Variants in SLC45A4 observed in about 807,000 individuals in gnomAD.
SLC45A4 encodes the protein solute carrier family 45 member 4, also known as polyamine-transporter SLC45A4.
Under a neutral mutation model 63.7 loss-of-function variants are expected in SLC45A4, and 32 were observed. That is an observed-to-expected ratio of 0.50 (90% CI 0.38 to 0.67). The LOEUF is 0.67. SLC45A4 is among the 30% of genes least tolerant of loss of function. SLC45A4 has a pLI of 0.00. For synonymous variants in SLC45A4, 535 were observed against 510.0 expected (o/e 1.05, Z -0.66); for missense variants, 1,027 against 1,157.7 (o/e 0.89, Z 1.64).
chr8:141,221,532 C>T lies in SLC45A4; in HGVS notation c.430+45G>A, dbSNP rs539183984. 2.4e-5 allele frequency: 38 copies of T among 1,578,604 alleles called. No homozygotes were observed. The East Asian group carries it at 8.5e-4, about 35-fold the overall frequency. On this transcript the variant is annotated intron_variant, in intron 3 of 8. Transcript: ENST00000517878. ...TGAGAGGAGCTACCCAGGGCCAGGA[C>T]CCCGTCTGTGTTGTGAGGACACCAG...
chr8:141,272,797 C>T (rs144753908), intron 1 of SLC45A4, among the ~76,000 whole-genome samples: 2 of 152,322 alleles, frequency 1.3e-5, no homozygotes, highest in African/African-American at 4.8e-5. Flanking sequence ...TCTCCCCCTT[C>T]CCTCCACAAC....
chr8:141,253,253 CTGTGTGTCTGTGAATTTCCGTGTTTTCA>C, intron 2 of SLC45A4: 1 of 163,756 alleles, frequency 6.1e-6, no homozygotes, highest in South Asian at 1.1e-4. Flanking sequence ...TCATGCCCAC[CTGTGTGTCTGTGAATTTCCGTGTTTTCA>C]TGCCCACCTG....
intron 2 of SLC45A4, among the ~76,000 whole-genome samples, chr8:141,234,084 C>T (rs1011406584): frequency 3.3e-5 from 5 of 152,228 alleles, no homozygotes; most frequent in African/African-American, 7.2e-5. Flanking sequence ...AAACCATTAG[C>T]GAATCGTCGC....
chr8:141,286,940 C>G (rs1225834075), intron 1 of SLC45A4, among the ~76,000 whole-genome samples: 2 of 152,076 alleles, frequency 1.3e-5, no homozygotes, highest in Non-Finnish European at 2.9e-5. Context: ...CTCTTGCTGG[C>G]GGCCACGGGG....
intron 1 of SLC45A4, among the ~76,000 whole-genome samples, chr8:141,297,034 G>A (rs775656170): frequency 6.6e-5 from 10 of 152,052 alleles, no homozygotes; most frequent in Non-Finnish European, 1.5e-4. Context: ...CCTGGTCTAC[G>A]GTACGTGTTT....
intron 1 of SLC45A4, among the ~76,000 whole-genome samples, chr8:141,303,336 T>C (rs1830807821): frequency 6.7e-6 from 1 of 150,312 alleles, no homozygotes; most frequent in Non-Finnish European, 1.5e-5. Flanking sequence ...GGTGGGGTTT[T>C]GCCGTGTTGC....
In SLC45A4 at chr8:141,249,505, C is replaced by T. The variant is rs757604446; in HGVS notation, c.241+4484G>A. On this transcript the variant is annotated intron_variant, in intron 2 of 8. Transcript: ENST00000517878. ...GTGTGATTCCAGTTACATCAATTCC[C>T]GAACAGGCAGCACCATGACAACAGA... is the stretch of plus-strand genomic sequence containing the variant. Among the ~76,000 whole-genome samples, 7 of 152,124 alleles carry T rather than the reference C, an allele frequency of 4.6e-5. No homozygotes were observed. The South Asian group carries it at 1.0e-3, about 23-fold the overall frequency.
chr8:141,208,511 TC>T lies in SLC45A4; in HGVS notation c.*3060del. The T allele has an allele frequency of 6.6e-6, 1 of 151,430 alleles. No individual in the cohort carries two copies. The highest frequency in any genetic ancestry group is 1.5e-5 in the Non-Finnish European group (1 of 67,848). The allele number at this position is 151,430 out of a possible 1,614,324, so 9.4% of individuals were successfully genotyped here. Reference sequence around the variant, plus strand: ...CTGAGGAGGGCTCAGTGGCCCTGCCTCCCCCCCGGGGACAGGACTGGACAGA... The same window carrying T: ...CTGAGGAGGGCTCAGTGGCCCTGCCTCCCCCCGGGGACAGGACTGGACAGA... On this transcript the variant is annotated 3_prime_UTR_variant, in exon 9 of 9. Coordinates refer to ENST00000517878, the MANE Select transcript of SLC45A4 (RefSeq NM_001286646.2).
Position 141,280,684 on chromosome 8 carries a change from A to AC in SLC45A4, c.-400-26056dup, listed in dbSNP as rs201768640. On this transcript the variant is annotated intron_variant, in intron 1 of 8. Transcript: ENST00000517878. ...CAGGGTGTGTTTTTGCCCCACCCGTACCTCCACCATGGGGGTTTTTGTTCG... is the reference window on the plus strand; with the variant it reads ...CAGGGTGTGTTTTTGCCCCACCCGTACCCTCCACCATGGGGGTTTTTGTTCG... Among the ~76,000 whole-genome samples, 828 of 152,198 alleles carry AC rather than the reference A, an allele frequency of 5.4e-3. 9 individuals carry two copies. Among genetic ancestry groups the AC allele is most frequent in the African/African-American group, 0.018 (765 of 41,526 alleles).
At chr8:141,251,679 C>T (rs1350772298) in intron 2 of SLC45A4, among the ~76,000 whole-genome samples, 1 of 152,002 alleles carries the variant, frequency 6.6e-6, no homozygotes, top group Non-Finnish European at 1.5e-5. Context: ...CTCATGAAGC[C>T]TTCTCAAAAC....
chr8:141,218,285 G>T lies in SLC45A4; in HGVS notation c.1355C>A (p.Ser452Ter). 1 of 1,604,848 alleles carries T rather than the reference G, an allele frequency of 6.2e-7. No homozygotes were observed. Among genetic ancestry groups the T allele is most frequent in the Non-Finnish European group, 8.5e-7 (1 of 1,179,818 alleles). The change falls in exon 5 of 9, where the codon TCG becomes TAG. Residue 452 changes from serine (S) to a stop codon, truncating the protein, a stop_gained. Coordinates refer to ENST00000517878, the MANE Select transcript of SLC45A4 (RefSeq NM_001286646.2). LOFTEE classifies it high-confidence loss of function. The part of the protein sequence containing the change: ...RANAVVLIKP[S>*]RSMSDLYDMQ... Reference sequence around the variant, plus strand: ...GTCGTACAGGTCGCTCATGCTGCGCGACGGCTTGATCAGCACCACGGCGTT... The same window carrying T: ...GTCGTACAGGTCGCTCATGCTGCGCTACGGCTTGATCAGCACCACGGCGTT...
At chr8:141,223,704 G>GC (rs1275270645) in intron 2 of SLC45A4, among the ~76,000 whole-genome samples, 5 of 152,158 alleles carry the variant, frequency 3.3e-5, no homozygotes, top group Admixed American at 6.5e-5. Flanking sequence ...CACCCAGGAG[G>GC]CCCCCGCCAA....
Position 141,256,833 on chromosome 8 carries a change from T to C in SLC45A4, c.-400-2204A>G. On this transcript the variant is annotated intron_variant, in intron 1 of 8. Coordinates refer to ENST00000517878, the MANE Select transcript of SLC45A4 (RefSeq NM_001286646.2). This position sits in a 1 kb window ranked among gnomAD's most constrained non-coding sequence, Gnocchi z 4.3. ...TCCAAACTGTCACCTTACTGCAATA[T>C]TTTTTCAAAAAACTGTGTAATGAAA... 1 of 340,416 alleles carries C rather than the reference T, an allele frequency of 2.9e-6. No individual in the cohort carries two copies. Among genetic ancestry groups the C allele is most frequent in the South Asian group, 2.3e-5 (1 of 44,240 alleles). The allele number at this position is 340,416 out of a possible 1,614,324, so 21.1% of individuals were successfully genotyped here. A position where few individuals can be genotyped will look rare whatever the true frequency, so the allele number is the denominator to read the frequency against.
chr8:141,243,647 AAATT>A (rs1828021216), intron 2 of SLC45A4, among the ~76,000 whole-genome samples: 1 of 152,034 alleles, frequency 6.6e-6, no homozygotes, highest in African/African-American at 2.4e-5. Context: ...TCTCAAAAAT[AAATT>A]AAAATACAGT....
At chr8:141,266,844 G>T (rs1310744391) in intron 1 of SLC45A4, among the ~76,000 whole-genome samples, 3 of 152,212 alleles carry the variant, frequency 2.0e-5, no homozygotes, top group African/African-American at 7.2e-5. Flanking sequence ...TCTAACAAGA[G>T]GGCCCAGATG....
intron 1 of SLC45A4, among the ~76,000 whole-genome samples, chr8:141,287,222 A>C (rs186009806): frequency 6.6e-6 from 1 of 152,140 alleles, no homozygotes. Context: ...TAATAAACAG[A>C]CTATAAACTC....
In SLC45A4 at chr8:141,256,693, T is replaced by C; in HGVS notation, c.-400-2064A>G. ...AGGTTCAAGTGGTGCTACCTATGTA[T>C]TTGCTTCTTACGTCCCCTGAACGTC... On this transcript the variant is annotated intron_variant, in intron 1 of 8. Coordinates refer to ENST00000517878, the MANE Select transcript of SLC45A4 (RefSeq NM_001286646.2). The surrounding 1 kb of genome is among the most constrained non-coding windows in gnomAD (Gnocchi z 4.3). The C allele has an allele frequency of 2.2e-6, 1 of 450,474 alleles. No individual in the cohort carries two copies. The highest frequency in any genetic ancestry group is 2.4e-5 in the Admixed American group (1 of 42,416). The allele number at this position is 450,474 out of a possible 1,614,324, so 27.9% of individuals were successfully genotyped here.
chr8:141,275,725 C>T (rs1024900337), intron 1 of SLC45A4, among the ~76,000 whole-genome samples: 2 of 152,006 alleles, frequency 1.3e-5, no homozygotes, highest in Non-Finnish European at 2.9e-5. Context: ...TATCCACATA[C>T]AAAATCACAA....
At chr8:141,270,176 G>T (rs1391869539) in intron 1 of SLC45A4, among the ~76,000 whole-genome samples, 1 of 152,004 alleles carries the variant, frequency 6.6e-6, no homozygotes, top group Non-Finnish European at 1.5e-5. Context: ...GTCTTTAAAA[G>T]AAACGAATCC....
Sources: allele counts gnomAD v4.1 joint callset (sites outside exome capture counted in the v4.1 genomes callset), GRCh38; gene constraint gnomAD v4.1.1; non-coding constraint Gnocchi (gnomAD v3.1); transcripts MANE v1.5; gene names NCBI Gene and HGNC (gene_info 2026-07-23, HGNC 2026-07-21).